Variants in MAGI1 observed in about 807,000 individuals in gnomAD.
MAGI1 encodes the protein membrane associated guanylate kinase, WW and PDZ domain containing 1.
In MAGI1, 58 loss-of-function variants were observed where a neutral mutation model predicts 139.9. That is an observed-to-expected ratio of 0.41 (90% CI 0.34 to 0.52). The LOEUF (loss-of-function observed/expected upper bound fraction) is 0.52. Among genes scored for constraint, MAGI1 ranks in the 20% least tolerant of loss-of-function variants. The probability of loss-of-function intolerance (pLI) is 0.12; values close to 1 mark genes in which losing one functional copy is unlikely to be tolerated. For synonymous variants in MAGI1, 812 were observed against 737.9 expected (o/e 1.10, Z -1.63); for missense variants, 1,874 against 1,901.6 (o/e 0.99, Z 0.27).
At chr3:65,376,594 C>A (rs1215425530) in intron 17 of MAGI1, among the ~76,000 whole-genome samples, 1 of 152,172 alleles carries the variant, frequency 6.6e-6, no homozygotes, top group Non-Finnish European at 1.5e-5. Context: ...AACCTTGAAG[C>A]TTATTTTTCC....
chr3:65,427,551 G>A (rs1260560262), intron 12 of MAGI1, among the ~76,000 whole-genome samples: 3 of 152,148 alleles, frequency 2.0e-5, no homozygotes, highest in African/African-American at 7.2e-5. Context: ...TGTCAAATGA[G>A]CAGTGGCTGA....
intron 1 of MAGI1, among the ~76,000 whole-genome samples, chr3:65,891,567 A>C (rs1435264549): frequency 3.3e-5 from 5 of 151,962 alleles, no homozygotes; most frequent in African/African-American, 1.2e-4. Context: ...TACCAAGGTT[A>C]CTTTTCCCCA....
At chr3:65,926,901 A>T (rs1288733234) in intron 1 of MAGI1, among the ~76,000 whole-genome samples, 4 of 152,148 alleles carry the variant, frequency 2.6e-5, no homozygotes, top group Non-Finnish European at 5.9e-5. Context: ...AGGCTGAGGC[A>T]GAAGAATCAC....
chr3:65,584,432 C>T (rs902520756), intron 2 of MAGI1, among the ~76,000 whole-genome samples: 2 of 152,194 alleles, frequency 1.3e-5, no homozygotes, highest in Non-Finnish European at 2.9e-5. Context: ...TGGCAGCAAC[C>T]TCAGTAGACC....
intron 1 of MAGI1, among the ~76,000 whole-genome samples, chr3:65,684,298 C>CA (rs1458472649): frequency 6.6e-6 from 1 of 151,880 alleles, no homozygotes; most frequent in African/African-American, 2.4e-5. Context: ...ACCAGTATGC[C>CA]AGCATTCATA....
intron 12 of MAGI1, among the ~76,000 whole-genome samples, chr3:65,414,906 G>GC (rs1946074157): frequency 6.7e-6 from 1 of 149,606 alleles, no homozygotes; most frequent in Admixed American, 6.7e-5. Context: ...GTGCATGCCT[G>GC]CAATCCCAGC....
intron 1 of MAGI1, chr3:65,688,091 G>T: frequency 1.3e-6 from 1 of 763,102 alleles, no homozygotes; most frequent in Non-Finnish European, 2.3e-6. Context: ...CTTTGGCCCT[G>T]AACACTGCAC....
intron 2 of MAGI1, among the ~76,000 whole-genome samples, chr3:65,567,212 T>G (rs2080703411): frequency 6.6e-6 from 1 of 151,864 alleles, no homozygotes; most frequent in African/African-American, 2.4e-5. Context: ...TTTAGATATA[T>G]TAATTAAAAT....
At chr3:65,752,565 C>T (rs1201593058) in intron 1 of MAGI1, among the ~76,000 whole-genome samples, 1 of 152,172 alleles carries the variant, frequency 6.6e-6, no homozygotes, top group Non-Finnish European at 1.5e-5. Flanking sequence ...TCTAAGCATA[C>T]AGAAGCAAGC....
intron 2 of MAGI1, among the ~76,000 whole-genome samples, chr3:65,603,753 G>T (rs1017056887): frequency 1.3e-5 from 2 of 152,326 alleles, no homozygotes; most frequent in Non-Finnish European, 2.9e-5. Flanking sequence ...AGTTCTGGAG[G>T]CAGGGAATTC....
chr3:65,992,237 T>G (rs17074236), intron 1 of MAGI1, among the ~76,000 whole-genome samples: 2,307 of 152,236 alleles, frequency 0.015, 57 homozygotes, highest in African/African-American at 0.053. Flanking sequence ...AATAGGCACT[T>G]CATAAATGTC....
At chr3:65,444,256 TGA>T (rs1406167136) in intron 7 of MAGI1, among the ~76,000 whole-genome samples, 2 of 152,192 alleles carry the variant, frequency 1.3e-5, no homozygotes, top group Non-Finnish European at 2.9e-5. Flanking sequence ...TTGTATATAC[TGA>T]GTCTTGCGGA....
At chr3:65,624,459 G>A (rs914234272) in intron 1 of MAGI1, among the ~76,000 whole-genome samples, 2 of 152,202 alleles carry the variant, frequency 1.3e-5, no homozygotes, top group Non-Finnish European at 2.9e-5. Context: ...AACTACTAAT[G>A]CATGCATTAA....
intron 2 of MAGI1, among the ~76,000 whole-genome samples, chr3:65,558,688 A>C (rs1422966536): frequency 6.6e-6 from 1 of 151,590 alleles, no homozygotes; most frequent in Non-Finnish European, 1.5e-5. Context: ...AAAACAAACA[A>C]ACACACAAAA....
At chr3:65,758,571 T>TGG (rs1053837009) in intron 1 of MAGI1, among the ~76,000 whole-genome samples, 3 of 152,142 alleles carry the variant, frequency 2.0e-5, no homozygotes, top group Non-Finnish European at 2.9e-5. Flanking sequence ...GGTTCTCAAC[T>TGG]GGGGGGGAAT....
intron 1 of MAGI1, among the ~76,000 whole-genome samples, chr3:65,986,272 T>C (rs930028164): frequency 1.3e-5 from 2 of 151,506 alleles, no homozygotes; most frequent in African/African-American, 4.8e-5. Flanking sequence ...TATTAACTTT[T>C]AAAAAAAAAG....
chr3:65,572,779 A>G (rs1180736926), intron 2 of MAGI1, among the ~76,000 whole-genome samples: 1 of 151,978 alleles, frequency 6.6e-6, no homozygotes, highest in Non-Finnish European at 1.5e-5. Flanking sequence ...TCAAAGGCCC[A>G]TAGCAGGTCC....
At chr3:65,625,277 A>T (rs1177316590) in intron 1 of MAGI1, among the ~76,000 whole-genome samples, 1 of 152,226 alleles carries the variant, frequency 6.6e-6, no homozygotes, top group African/African-American at 2.4e-5. Context: ...TATGTAAGCT[A>T]TACCAATAAA....
intron 1 of MAGI1, among the ~76,000 whole-genome samples, chr3:65,651,928 T>C (rs1576605071): frequency 1.3e-5 from 2 of 152,318 alleles, no homozygotes; most frequent in East Asian, 1.9e-4. Context: ...GGAATATTTA[T>C]ATGTAAACAT....
Sources: gnomAD v4.1 joint callset for allele counts (sites outside exome capture counted in the v4.1 genomes callset) on GRCh38, gnomAD v4.1.1 for gene constraint, MANE v1.5 for transcripts, NCBI Gene and HGNC (gene_info 2026-07-23, HGNC 2026-07-21) for gene names.